BAZ2B: variants seen among roughly 807,000 people sequenced by gnomAD.
BAZ2B encodes the protein bromodomain adjacent to zinc finger domain 2B.
BAZ2B carries 91 observed loss-of-function variants against 246.0 expected under a neutral mutation model. That is an observed-to-expected ratio of 0.37 (90% CI 0.31 to 0.44). The LOEUF is 0.44. BAZ2B is among the 20% of genes least tolerant of loss of function. The pLI is 1.00. For synonymous variants in BAZ2B, 855 were observed against 860.0 expected (o/e 0.99, Z 0.10); for missense variants, 2,332 against 2,533.7 (o/e 0.92, Z 1.71).
intron 31 of BAZ2B, among the ~76,000 whole-genome samples, chr2:159,344,954 A>C (rs771158487): frequency 6.6e-6 from 1 of 152,196 alleles, no homozygotes; most frequent in Non-Finnish European, 1.5e-5. Flanking sequence ...TCACACCTGT[A>C]ATCCCAGCAC....
chr2:159,386,373 C>T lies in BAZ2B; in HGVS notation c.3451G>A (p.Gly1151Ser). Reference protein sequence around the residue: ...RLLSAAVCDPGLITGYKAKTA... With the variant: ...RLLSAAVCDPSLITGYKAKTA... ...TTTACCTTGTATCCTGTTATTAGACCTGGATCACATACAGCAGCTGAGAGG... is the reference window on the plus strand; with the variant it reads ...TTTACCTTGTATCCTGTTATTAGACTTGGATCACATACAGCAGCTGAGAGG... Residue 1151 changes from glycine (G) to serine (S), a missense_variant, in exon 22 of 37, where the codon GGT (glycine) becomes AGT (serine). Gly to Ser is a moderately conservative substitution (Grantham distance 56). This residue lies in a region of BAZ2B where 328 missense variants were observed against 410.4 expected (regional missense o/e 0.80). Coordinates refer to ENST00000392783, the MANE Select transcript of BAZ2B (RefSeq NM_013450.4). The T allele has an allele frequency of 6.2e-7, 1 of 1,612,382 alleles. No individual in the cohort carries two copies. Among genetic ancestry groups the T allele is most frequent in the Non-Finnish European group, 8.5e-7 (1 of 1,179,338 alleles).
chr2:159,663,287 C>T, the BAZ2B span, among the ~76,000 whole-genome samples: 3 of 150,818 alleles, frequency 2.0e-5, no homozygotes, highest in Non-Finnish European at 3.0e-5. Context: ...CTGCAACCTC[C>T]GCCTCCCAGG....
chr2:159,347,501 T>G lies in BAZ2B; in HGVS notation c.5439A>C (p.Ala1813=). ...VEDLERRVAS[A]SLQVKGWMCP... ...TCGATTTTACCTTCACTTGCAAACT[T>G]GCTGATGCAACTCTCCTTTCTAGAT... The change falls in exon 31 of 37, where the codon GCA becomes GCC. Residue 1813 remains alanine (A), a synonymous_variant. Transcript: ENST00000392783. 1 of 1,613,836 alleles carries G rather than the reference T, an allele frequency of 6.2e-7. No homozygotes were observed. The highest frequency in any genetic ancestry group is 1.1e-5 in the South Asian group (1 of 91,058).
chr2:159,402,045 G>C (rs2065155820), intron 16 of BAZ2B, among the ~76,000 whole-genome samples: 1 of 152,138 alleles, frequency 6.6e-6, no homozygotes, highest in Non-Finnish European at 1.5e-5. Flanking sequence ...ACTGCAGGAT[G>C]ATGAAATTTT....
the BAZ2B span, among the ~76,000 whole-genome samples, chr2:159,662,401 C>T: frequency 3.3e-5 from 5 of 152,202 alleles, no homozygotes; most frequent in Admixed American, 3.3e-4. Context: ...TTAGCTTTTT[C>T]ATGTACTGCC....
intron 27 of BAZ2B, among the ~76,000 whole-genome samples, chr2:159,366,863 GC>G (rs1264434144): frequency 6.6e-6 from 1 of 152,046 alleles, no homozygotes; most frequent in Non-Finnish European, 1.5e-5. Context: ...AAATCTAATT[GC>G]TTTCTATTGC....
In BAZ2B at chr2:159,320,383, C is replaced by T; in HGVS notation, c.6389G>A (p.Arg2130Lys). Residue 2130 changes from arginine to lysine, a missense_variant, in exon 37 of 37, where the codon AGG becomes AAG. Arg to Lys is a conservative substitution (Grantham distance 26, BLOSUM62 2). Transcript: ENST00000392783. ...PNLETFALDV[R>K]LVFDNCETFN... ...TGTTTCACAGTTGTCAAAAACAAGC[C>T]TGACATCTAGAGCAAAGGTTTCAAG... The T allele has an allele frequency of 6.3e-7, 1 of 1,579,014 alleles. No homozygotes were observed. Among genetic ancestry groups the T allele is most frequent in the Non-Finnish European group, 8.5e-7 (1 of 1,169,996 alleles).
rs773922993 is a variant in BAZ2B, at chr2:159,428,056, A to G, written c.2365-14T>C. On this transcript the variant is annotated splice_polypyrimidine_tract_variant and intron_variant, in intron 12 of 36. Coordinates refer to ENST00000392783, the MANE Select transcript of BAZ2B (RefSeq NM_013450.4). ...TCTGCTGAGATACTGAAAAAATCAC[A>G]TATTTTTCCACTTCAGGTTTTAATA... 7.5e-6 allele frequency: 12 copies of G among 1,604,384 alleles called. No individual in the cohort carries two copies. Among genetic ancestry groups the G allele is most frequent in the Middle Eastern group, 1.7e-4 (1 of 6,042 alleles).
intron 2 of BAZ2B, among the ~76,000 whole-genome samples, chr2:159,503,576 T>C (rs2082047324): frequency 6.6e-6 from 1 of 152,122 alleles, no homozygotes; most frequent in South Asian, 2.1e-4. Flanking sequence ...CTTCTTCTTT[T>C]TTATTTATTT....
intron 34 of BAZ2B, among the ~76,000 whole-genome samples, chr2:159,327,985 A>C (rs1427481496): frequency 6.7e-6 from 1 of 150,330 alleles, no homozygotes; most frequent in Non-Finnish European, 1.5e-5. Context: ...GAATCACTTG[A>C]ACCTAGGAGG....
intron 1 of BAZ2B, among the ~76,000 whole-genome samples, chr2:159,580,647 A>G (rs1686531584): frequency 6.6e-6 from 1 of 152,132 alleles, no homozygotes; most frequent in South Asian, 2.1e-4. Context: ...GAGGCATCAC[A>G]CTATCTGACT....
chr2:159,363,381 T>C (rs2059913362), intron 27 of BAZ2B, among the ~76,000 whole-genome samples: 1 of 152,208 alleles, frequency 6.6e-6, no homozygotes, highest in South Asian at 2.1e-4. Context: ...AGAGAATCCC[T>C]GACAACATGC....
At chr2:159,647,696 G>A in the BAZ2B span, among the ~76,000 whole-genome samples, 1 of 152,118 alleles carries the variant, frequency 6.6e-6, no homozygotes, top group Non-Finnish European at 1.5e-5. Flanking sequence ...ATGCTTTGCT[G>A]TCTGTGCATG....
the BAZ2B span, among the ~76,000 whole-genome samples, chr2:159,696,991 G>A: frequency 3.9e-5 from 6 of 152,096 alleles, no homozygotes; most frequent in Admixed American, 2.0e-4. Flanking sequence ...TCACCATATT[G>A]GTCATGCTGG....
At chr2:159,371,855 C>T (rs1559146995) in intron 27 of BAZ2B, among the ~76,000 whole-genome samples, 2 of 152,182 alleles carry the variant, frequency 1.3e-5, no homozygotes, top group African/African-American at 4.8e-5. Context: ...AGGTTCTGAG[C>T]TTACTCTTTA....
chr2:159,362,781 G>C (rs1576107954), intron 27 of BAZ2B, among the ~76,000 whole-genome samples: 1 of 152,206 alleles, frequency 6.6e-6, no homozygotes, highest in South Asian at 2.1e-4. Flanking sequence ...CCAGTGGCTT[G>C]AAATTAAGTT....
intron 2 of BAZ2B, among the ~76,000 whole-genome samples, chr2:159,482,691 G>A (rs752386977): frequency 2.1e-4 from 32 of 152,092 alleles, no homozygotes; most frequent in Middle Eastern, 6.8e-3. Flanking sequence ...GGTAAGGTAC[G>A]TTATCTTAAA....
At chr2:159,629,729 T>C in the BAZ2B span, among the ~76,000 whole-genome samples, 1 of 152,138 alleles carries the variant, frequency 6.6e-6, no homozygotes, top group African/African-American at 2.4e-5. Context: ...ATGTAGATGA[T>C]GGGTTAATGG....
At chr2:159,524,931 G>T (rs2084565020) in intron 2 of BAZ2B, among the ~76,000 whole-genome samples, 1 of 151,978 alleles carries the variant, frequency 6.6e-6, no homozygotes, top group African/African-American at 2.4e-5. Flanking sequence ...ATACATGGTA[G>T]TCCCAGCTAC....
Sources: gnomAD v4.1 joint callset for allele counts (sites outside exome capture counted in the v4.1 genomes callset) on GRCh38, gnomAD v4.1.1 for gene constraint, gnomAD v4.1.1 regional missense constraint, MANE v1.5 for transcripts, NCBI Gene and HGNC (gene_info 2026-07-23, HGNC 2026-07-21) for gene names.